The following MAST4 variants were observed in gnomAD, a reference collection of about 807,000 sequenced individuals.
MAST4 encodes microtubule-associated serine/threonine-protein kinase 4.
MAST4 carries 89 observed loss-of-function variants against 162.7 expected under a neutral mutation model. The observed-to-expected ratio is 0.55, with a 90% CI of 0.46 to 0.65. MAST4 has a LOEUF of 0.65. MAST4 is among the 30% of genes least tolerant of loss of function. MAST4 has a pLI of 0.00. For missense variants in MAST4, 3,153 were observed against 3,374.0 expected, an observed-to-expected ratio of 0.93 and a Z score of 1.62; for synonymous variants, 1,479 against 1,361.1, an observed-to-expected ratio of 1.09 and a Z score of -1.91.
chr5:67,025,483 A>G (rs1754526636), intron 4 of MAST4, among the ~76,000 whole-genome samples: 1 of 152,150 alleles, frequency 6.6e-6, no homozygotes, highest in Non-Finnish European at 1.5e-5. Context: ...GGACCCAGTG[A>G]GTTCTATTCA....
intron 15 of MAST4, among the ~76,000 whole-genome samples, chr5:67,130,697 G>T (rs1250366815): frequency 6.6e-6 from 1 of 152,056 alleles, no homozygotes; most frequent in African/African-American, 2.4e-5. Context: ...ATTAAAGTTG[G>T]AATATAGGTG....
intron 1 of MAST4, among the ~76,000 whole-genome samples, chr5:66,627,799 A>T (rs1744536043): frequency 6.6e-6 from 1 of 152,090 alleles, no homozygotes; most frequent in Non-Finnish European, 1.5e-5. Context: ...CAGTTAAGTC[A>T]TGTGACTGTG....
intron 2 of MAST4, among the ~76,000 whole-genome samples, chr5:66,779,040 T>G (rs189168545): frequency 9.8e-4 from 150 of 152,370 alleles, no homozygotes; most frequent in Admixed American, 1.8e-3. Context: ...GTGCTCTGAC[T>G]TGCTCACCAG....
At chr5:66,787,341 C>T (rs1235514030) in intron 2 of MAST4, among the ~76,000 whole-genome samples, 1 of 152,202 alleles carries the variant, frequency 6.6e-6, no homozygotes, top group South Asian at 2.1e-4. Flanking sequence ...AGAGTCTGTG[C>T]TTTCACTCTA....
chr5:66,732,747 C>T (rs1171552776), intron 1 of MAST4, among the ~76,000 whole-genome samples: 2 of 152,160 alleles, frequency 1.3e-5, no homozygotes, highest in Admixed American at 6.5e-5. Flanking sequence ...TCCACTTGAG[C>T]CTTGGTCTAT....
intron 4 of MAST4, among the ~76,000 whole-genome samples, chr5:66,970,029 T>C (rs752164235): frequency 6.6e-6 from 1 of 152,174 alleles, no homozygotes; most frequent in Non-Finnish European, 1.5e-5. Context: ...ATCTGTGTCA[T>C]GCAGGCACTC....
At chr5:67,063,067 C>A (rs1673751692) in intron 5 of MAST4, among the ~76,000 whole-genome samples, 3 of 152,148 alleles carry the variant, frequency 2.0e-5, no homozygotes, top group South Asian at 4.2e-4. Context: ...CAAGCTATAT[C>A]ATTTCACAGT....
chr5:67,084,616 C>T (rs1036365708), intron 5 of MAST4, among the ~76,000 whole-genome samples: 1 of 152,100 alleles, frequency 6.6e-6, no homozygotes, highest in African/African-American at 2.4e-5. Context: ...TGGAGTTTAT[C>T]CCTTACCATC....
chr5:67,104,347 G>T lies in MAST4; in HGVS notation c.1147-19G>T. On this transcript the variant is annotated intron_variant, in intron 9 of 28. Coordinates refer to ENST00000403625, the MANE Select transcript of MAST4 (RefSeq NM_001164664.2). ...GTTTCCTCGTATTACATCTGTGTATGTGTGTCTTCTCTATATAGGCTACAG... is the reference window on the plus strand; with the variant it reads ...GTTTCCTCGTATTACATCTGTGTATTTGTGTCTTCTCTATATAGGCTACAG... 1 of 1,566,020 alleles carries T rather than the reference G, an allele frequency of 6.4e-7. No homozygotes were observed.
intron 5 of MAST4, among the ~76,000 whole-genome samples, chr5:67,078,848 T>TTATATATTTATATAAA (rs1200315757): frequency 3.6e-5 from 4 of 111,154 alleles, no homozygotes; most frequent in Non-Finnish European, 6.8e-5. Flanking sequence ...TTAAATATAT[T>TTATATATTTATATAAA]TATATATTTA....
At chr5:66,878,554 C>A (rs1761459974) in intron 3 of MAST4, among the ~76,000 whole-genome samples, 1 of 152,226 alleles carries the variant, frequency 6.6e-6, no homozygotes, top group South Asian at 2.1e-4. Context: ...CTAGTCCTTG[C>A]CACCAACATC....
intron 1 of MAST4, among the ~76,000 whole-genome samples, chr5:66,751,624 C>T (rs1461664478): frequency 6.6e-6 from 1 of 150,814 alleles, no homozygotes; most frequent in African/African-American, 2.4e-5. Context: ...AGCAAAGCCT[C>T]CAAGAAATAT....
At chr5:67,088,943 T>C (rs1378625752) in intron 5 of MAST4, among the ~76,000 whole-genome samples, 1 of 152,202 alleles carries the variant, frequency 6.6e-6, no homozygotes. Flanking sequence ...ACTAAACTTA[T>C]CCTCCTTAAT....
At chr5:66,712,421 G>A (rs1750553833) in intron 1 of MAST4, among the ~76,000 whole-genome samples, 1 of 152,152 alleles carries the variant, frequency 6.6e-6, no homozygotes, top group Non-Finnish European at 1.5e-5. Context: ...TCCTTTGTAT[G>A]TATTCCAGGA....
intron 14 of MAST4, among the ~76,000 whole-genome samples, chr5:67,123,037 A>G (rs763188435): frequency 1.3e-5 from 2 of 152,124 alleles, no homozygotes; most frequent in Non-Finnish European, 2.9e-5. Flanking sequence ...TTGAAATTTG[A>G]ATAGAACCAC....
intron 1 of MAST4, among the ~76,000 whole-genome samples, chr5:66,704,530 T>A (rs1750001328): frequency 1.5e-5 from 2 of 131,852 alleles, no homozygotes; most frequent in African/African-American, 5.8e-5. Flanking sequence ...GGAGTCTCGC[T>A]CTGTCACCCA....
At chr5:66,747,097 GGTGT>G (rs138318051) in intron 1 of MAST4, among the ~76,000 whole-genome samples, 19,038 of 145,954 alleles carry the variant, frequency 0.13, 1,999 homozygotes, top group African/African-American at 0.28. Flanking sequence ...GCATGCGCAT[GGTGT>G]GTGTGTGTGT....
At chr5:66,637,434 T>C (rs1043412999) in intron 1 of MAST4, among the ~76,000 whole-genome samples, 1 of 152,096 alleles carries the variant, frequency 6.6e-6, no homozygotes, top group African/African-American at 2.4e-5. Context: ...TGTATATTAG[T>C]ATTTTTCTCA....
chr5:67,164,026 G>C lies in MAST4; in HGVS notation c.4847G>C (p.Ser1616Thr). 6.3e-7 allele frequency: 1 copy of C among 1,585,858 alleles called. No homozygotes were observed. The highest frequency in any genetic ancestry group is 8.6e-7 in the Non-Finnish European group (1 of 1,165,836). Residue 1616 changes from serine (S) to threonine (T), a missense_variant, in exon 29 of 29, where the codon AGC becomes ACC. This residue lies in a region of MAST4 where 1,644 missense variants were observed against 1,495.0 expected (regional missense o/e 1.10). Coordinates refer to ENST00000403625, the MANE Select transcript of MAST4 (RefSeq NM_001164664.2). This position sits in a 1 kb window ranked among gnomAD's most constrained non-coding sequence, Gnocchi z 5.3. Reference sequence around the variant, plus strand: ...CACAAGCAGGCCAGCGTGCGCGCCAGCGAGGGTGCGATGTCGGATGGCCGG... The same window carrying C: ...CACAAGCAGGCCAGCGTGCGCGCCACCGAGGGTGCGATGTCGGATGGCCGG... ...ALHKQASVRA[S>T]EGAMSDGRVP...
Sources: allele counts gnomAD v4.1 joint callset (sites outside exome capture counted in the v4.1 genomes callset), GRCh38; gene constraint gnomAD v4.1.1; regional missense constraint gnomAD v4.1.1; non-coding constraint Gnocchi (gnomAD v3.1); transcripts MANE v1.5; gene names NCBI Gene and HGNC (gene_info 2026-07-23, HGNC 2026-07-21).